ITIH2: variants seen among roughly 807,000 people sequenced by gnomAD.
ITIH2 encodes inter-alpha-trypsin inhibitor heavy chain H2.
In ITIH2, 103 loss-of-function variants were observed where a neutral mutation model predicts 104.4. The observed-to-expected ratio is 0.99, with a 90% CI of 0.84 to 1.16. The LOEUF (loss-of-function observed/expected upper bound fraction) is 1.16, where lower values mean the gene tolerates loss of function less well. ITIH2 is among the 50% of genes most tolerant of loss of function. The pLI is 0.00. For synonymous variants in ITIH2, 436 were observed against 435.4 expected (o/e 1.00, Z -0.02); for missense variants, 1,108 against 1,162.4 (o/e 0.95, Z 0.68).
chr10:7,742,126 C>T (rs1334057917), intron 16 of ITIH2, among the ~76,000 whole-genome samples: 4 of 152,140 alleles, frequency 2.6e-5, no homozygotes, highest in Non-Finnish European at 5.9e-5. Flanking sequence ...CTTGAAGTTA[C>T]TGACCATGAC....
chr10:7,719,123 CG>C (rs1834877866), intron 6 of ITIH2, among the ~76,000 whole-genome samples: 1 of 152,102 alleles, frequency 6.6e-6, no homozygotes, highest in Admixed American at 6.6e-5. Context: ...CCCGGAGACA[CG>C]GGAGATGAAA....
chr10:7,736,191 C>A (rs994369115), intron 15 of ITIH2, among the ~76,000 whole-genome samples: 1 of 151,886 alleles, frequency 6.6e-6, no homozygotes, highest in African/African-American at 2.4e-5. Context: ...CATAGCAAAA[C>A]CCCATCTTTA....
At chr10:7,711,785 C>A (rs1834798866) in intron 4 of ITIH2, among the ~76,000 whole-genome samples, 1 of 152,162 alleles carries the variant, frequency 6.6e-6, no homozygotes, top group Admixed American at 6.5e-5. Context: ...TGTCCTCCCA[C>A]AAATGCCAGC....
In ITIH2 at chr10:7,735,061, G is replaced by T; in HGVS notation, c.1927G>T (p.Ala643Ser). The change falls in exon 15 of 21, where the codon GCC becomes TCC. Residue 643 changes from alanine (A) to serine (S), a missense_variant. Transcript: ENST00000358415. ...EAGDERMLAD[A>S]PPQDPSCCSG... Reference sequence around the variant, plus strand: ...TGGGGATGAGCGCATGCTGGCGGATGCCCCACCGCAGGATCCCTCCTGCTG... The same window carrying T: ...TGGGGATGAGCGCATGCTGGCGGATTCCCCACCGCAGGATCCCTCCTGCTG... The T allele has an allele frequency of 6.2e-7, 1 of 1,611,448 alleles. No homozygotes were observed.
At position 7,705,027 on chromosome 10, in the gene ITIH2, A is replaced by G. The variant is rs1834732464; in HGVS notation, c.85-81A>G. Reference sequence around the variant, plus strand: ...ATGGCACATGTATACCTATGTAACAAATCTGCACGTTGTGCACATGTACCC... The same window carrying G: ...ATGGCACATGTATACCTATGTAACAGATCTGCACGTTGTGCACATGTACCC... On this transcript the variant is annotated intron_variant, in intron 1 of 20. Coordinates refer to ENST00000358415, the MANE Select transcript of ITIH2 (RefSeq NM_002216.3). 4.5e-6 allele frequency: 4 copies of G among 880,378 alleles called. No individual in the cohort carries two copies. The East Asian group carries it at 1.1e-4, about 23-fold the overall frequency. 54.5% of individuals were successfully genotyped at this position (880,378 alleles called of 1,614,324 possible).
chr10:7,722,375 G>A (rs927917), intron 8 of ITIH2, among the ~76,000 whole-genome samples: 33,547 of 152,024 alleles, frequency 0.22, 4,533 homozygotes, highest in African/African-American at 0.38. Flanking sequence ...AAGGGCAGAG[G>A]AAAGAGAATT....
intron 6 of ITIH2, among the ~76,000 whole-genome samples, chr10:7,719,559 A>G (rs991342354): frequency 1.3e-5 from 2 of 151,980 alleles, no homozygotes; most frequent in African/African-American, 4.8e-5. Flanking sequence ...AAACTGAGTG[A>G]CAGCCTGGGC....
chr10:7,741,155 T>A (rs1419800761), intron 16 of ITIH2, among the ~76,000 whole-genome samples: 3 of 150,620 alleles, frequency 2.0e-5, no homozygotes, highest in Non-Finnish European at 4.4e-5. Context: ...AAAGAGGATA[T>A]CATAATGATT....
chr10:7,737,686 T>TTATATTCTA (rs1564305667), intron 15 of ITIH2, among the ~76,000 whole-genome samples: 2,958 of 15,672 alleles, frequency 0.19, 699 homozygotes, highest in Middle Eastern at 0.25. Context: ...ATTTTCTATA[T>TTATATTCTA]TATATTCTAT....
intron 19 of ITIH2, among the ~76,000 whole-genome samples, chr10:7,745,764 T>G (rs1197773352): frequency 6.7e-6 from 1 of 148,364 alleles, no homozygotes; most frequent in East Asian, 2.7e-4. Flanking sequence ...ATTAATTCAT[T>G]AATTTATGAG....
Position 7,705,093 on chromosome 10 carries a change from C to T in ITIH2, c.85-15C>T, listed in dbSNP as rs2131150331. ...AATTAAAAAAAAAAAAGTTAAAATCCTAATTTTTTTTAAGTTTGTAGACTA... is the reference window on the plus strand; with the variant it reads ...AATTAAAAAAAAAAAAGTTAAAATCTTAATTTTTTTTAAGTTTGTAGACTA... On this transcript the variant is annotated splice_polypyrimidine_tract_variant and intron_variant, in intron 1 of 20. Coordinates refer to ENST00000358415, the MANE Select transcript of ITIH2 (RefSeq NM_002216.3). 1.9e-6 allele frequency: 3 copies of T among 1,562,882 alleles called. No individual in the cohort carries two copies. The highest frequency in any genetic ancestry group is 1.7e-6 in the Non-Finnish European group (2 of 1,151,220).
At chr10:7,732,237 C>A (rs748194340) in intron 13 of ITIH2, 101 bp from the exon 14 acceptor site, 34 of 1,355,472 alleles carry the variant, frequency 2.5e-5, no homozygotes, top group Non-Finnish European at 3.5e-5. Context: ...CCTTCCATTT[C>A]TTTTTTATTC....
intron 4 of ITIH2, among the ~76,000 whole-genome samples, chr10:7,710,256 C>T (rs1834785039): frequency 6.6e-6 from 1 of 152,202 alleles, no homozygotes; most frequent in South Asian, 2.1e-4. Context: ...GTTTCATGGA[C>T]ATCTCATATT....
At position 7,713,709 on chromosome 10, in the gene ITIH2, T is replaced by A. The variant is rs1243820625; in HGVS notation, c.467+424T>A. Among the ~76,000 whole-genome samples the A allele has an allele frequency of 4.6e-5, 7 of 152,000 alleles. No homozygotes were observed. The East Asian group carries it at 5.8e-4, about 13-fold the overall frequency. On this transcript the variant is annotated intron_variant, in intron 5 of 20. Transcript: ENST00000358415. ...ATAAGGGGTTTTTTTTAATTGTAGT[T>A]GTTGTTGTTGTTGTTTGAGATGAGG...
At chr10:7,707,099 G>T in intron 2 of ITIH2, 102 bp from the exon 3 acceptor site, 2 of 729,326 alleles carry the variant, frequency 2.7e-6, no homozygotes, top group Non-Finnish European at 2.4e-6. Flanking sequence ...GCTCAGTATT[G>T]AAGAAAAATA....
At position 7,705,010 on chromosome 10, in the gene ITIH2, T is replaced by C. The variant is rs1050014544; in HGVS notation, c.85-98T>C. 8.2e-6 allele frequency: 6 copies of C among 727,736 alleles called. 1 individual carries two copies. The South Asian group carries it at 8.7e-5, about 11-fold the overall frequency. The allele number at this position is 727,736 out of a possible 1,614,324, so 45.1% of individuals were successfully genotyped here. A position where few individuals can be genotyped will look rare whatever the true frequency, so the allele number is the denominator to read the frequency against. ...GGGTGTAGCAAACCAACATGGCACATGTATACCTATGTAACAAATCTGCAC... is the reference window on the plus strand; with the variant it reads ...GGGTGTAGCAAACCAACATGGCACACGTATACCTATGTAACAAATCTGCAC... On this transcript the variant is annotated intron_variant, in intron 1 of 20. Transcript: ENST00000358415.
chr10:7,739,018 T>C (rs1835099766), intron 16 of ITIH2, among the ~76,000 whole-genome samples: 1 of 152,226 alleles, frequency 6.6e-6, no homozygotes, highest in Non-Finnish European at 1.5e-5. Context: ...GTTTGGGTAG[T>C]AGCTGTGGTC....
chr10:7,744,416 TCTCA>T, intron 18 of ITIH2, 136 bp downstream of exon 18: 1 of 786,790 alleles, frequency 1.3e-6, no homozygotes. Context: ...GAAAAATTGT[TCTCA>T]CTCCCTACTC....
At chr10:7,715,704 G>T (rs1834842231) in intron 5 of ITIH2, among the ~76,000 whole-genome samples, 1 of 152,040 alleles carries the variant, frequency 6.6e-6, no homozygotes, top group South Asian at 2.1e-4. Context: ...CAATCCCTTA[G>T]GCTGATTGTG....
Sources: allele counts gnomAD v4.1 joint callset (sites outside exome capture counted in the v4.1 genomes callset), GRCh38; gene constraint gnomAD v4.1.1; transcripts MANE v1.5; gene names NCBI Gene and HGNC (gene_info 2026-07-23, HGNC 2026-07-21).